ZNF804A: variants seen among roughly 807,000 people sequenced by gnomAD.
ZNF804A encodes the protein zinc finger protein 804A.
Under a neutral mutation model 16.5 loss-of-function variants are expected in ZNF804A, and 2 were observed. The observed-to-expected ratio is 0.12, with a 90% CI of 0.05 to 0.38. The LOEUF is 0.38. Among genes scored for constraint, ZNF804A ranks in the 10% least tolerant of loss-of-function variants. The pLI, the probability that ZNF804A is intolerant of heterozygous loss-of-function variation, is 0.99. For synonymous variants in ZNF804A, 534 were observed against 489.6 expected (o/e 1.09, Z -1.20); for missense variants, 1,473 against 1,390.7 (o/e 1.06, Z -0.94).
At position 184,633,497 on chromosome 2, in the gene ZNF804A, C is replaced by T. The variant is rs181869013; in HGVS notation, c.111+34427C>T. ...CTGGACAAAGGAAACCAGTAGATGT[C>T]AGTCTGGGTAATAAAAGTAGTTAAT... is the stretch of plus-strand genomic sequence containing the variant. On this transcript the variant is annotated intron_variant, in intron 1 of 3. Transcript: ENST00000302277. Among the ~76,000 whole-genome samples the T allele has an allele frequency of 1.9e-3, 285 of 152,272 alleles. 1 individual carries two copies. The highest frequency in any genetic ancestry group is 6.5e-3 in the African/African-American group (272 of 41,544).
intron 2 of ZNF804A, among the ~76,000 whole-genome samples, chr2:184,919,931 C>T (rs1187647181): frequency 6.6e-6 from 1 of 152,040 alleles, no homozygotes; most frequent in Admixed American, 6.6e-5. Context: ...GCCTGGCTAA[C>T]ATGGTGAAAT....
At chr2:184,888,802 G>T (rs533108136) in intron 2 of ZNF804A, among the ~76,000 whole-genome samples, 105 of 152,226 alleles carry the variant, frequency 6.9e-4, no homozygotes, top group African/African-American at 2.3e-3. Flanking sequence ...GAGGGGAAGA[G>T]AATACCTATC....
In ZNF804A at chr2:184,937,299, T is replaced by C. The variant is rs1282235984; in HGVS notation, c.1903T>C (p.Leu635=). 6.2e-6 allele frequency: 10 copies of C among 1,613,976 alleles called. No individual in the cohort carries two copies. Among genetic ancestry groups the C allele is most frequent in the Non-Finnish European group, 8.5e-6 (10 of 1,179,940 alleles). ...SYTENAGKYL[L]EPISEKQYLA... is the part of the protein sequence containing the mutation. Reference sequence around the variant, plus strand: ...CACTGAAAATGCTGGGAAATATCTATTGGAACCAATTTCAGAAAAGCAGTA... The same window carrying C: ...CACTGAAAATGCTGGGAAATATCTACTGGAACCAATTTCAGAAAAGCAGTA... The change falls in exon 4 of 4, where the codon TTG becomes CTG. Residue 635 remains leucine (L), a synonymous_variant. Transcript: ENST00000302277.
chr2:184,890,254 T>C (rs186542289), intron 2 of ZNF804A, among the ~76,000 whole-genome samples: 1 of 152,308 alleles, frequency 6.6e-6, no homozygotes, highest in East Asian at 1.9e-4. Context: ...AAATATTTGC[T>C]AAAAGCTTAT....
chr2:184,655,354 G>A (rs1692059466), intron 1 of ZNF804A, among the ~76,000 whole-genome samples: 1 of 152,156 alleles, frequency 6.6e-6, no homozygotes, highest in Admixed American at 6.5e-5. Flanking sequence ...GCAAAGGATG[G>A]AGGATAGAGT....
Position 184,695,693 on chromosome 2 carries a change from C to A in ZNF804A, c.111+96623C>A, listed in dbSNP as rs964460947. Among the ~76,000 whole-genome samples, 3 of 152,058 alleles carry A rather than the reference C, an allele frequency of 2.0e-5. No individual in the cohort carries two copies. In the South Asian group the frequency reaches 6.2e-4, roughly 32 times the overall value. ...TTGGCCTTCCAAAGTGTTGGGATAT[C>A]AAGCATGAGCTACTGTGCCAGGTCT... On this transcript the variant is annotated intron_variant, in intron 1 of 3. Transcript: ENST00000302277.
chr2:184,917,438 T>A lies in ZNF804A; in HGVS notation c.256-16165T>A, dbSNP rs190994539. On this transcript the variant is annotated intron_variant, in intron 2 of 3. Coordinates refer to ENST00000302277, the MANE Select transcript of ZNF804A (RefSeq NM_194250.2). ...ATTCAATACATATTATGTCATATCA[T>A]AAAAGGATAAAAAGAAAAACAAATA... is the stretch of plus-strand genomic sequence containing the variant. Among the ~76,000 whole-genome samples the A allele has an allele frequency of 3.1e-4, 47 of 151,716 alleles. No individual in the cohort carries two copies. The East Asian group carries it at 7.9e-3, about 26-fold the overall frequency.
intron 1 of ZNF804A, among the ~76,000 whole-genome samples, chr2:184,700,852 A>G (rs1692908199): frequency 1.3e-5 from 2 of 152,020 alleles, no homozygotes; most frequent in Admixed American, 6.5e-5. Context: ...CATTGTTAAG[A>G]TGAAAGGGTG....
Position 184,936,439 on chromosome 2 carries a change from T to A in ZNF804A, c.1043T>A (p.Val348Asp). 6.2e-7 allele frequency: 1 copy of A among 1,613,984 alleles called. No homozygotes were observed. The highest frequency in any genetic ancestry group is 8.5e-7 in the Non-Finnish European group (1 of 1,179,930). The stretch of plus-strand genomic sequence containing the variant: ...GTTGTTATTAATGAAGACATACCTG[T>A]TAGTGGTAACAGTTTTGAGTTGTTA... Reference protein sequence around the residue: ...ESVVINEDIPVSGNSFELLGN... With the variant: ...ESVVINEDIPDSGNSFELLGN... Residue 348 changes from valine (V) to aspartate (D), a missense_variant, in exon 4 of 4, where the codon GTT (valine) becomes GAT (aspartate). By Grantham distance (152) the Val-to-Asp change is radical. Transcript: ENST00000302277.
rs932783844 is a variant in ZNF804A, at chr2:184,704,876, C to A, written c.111+105806C>A. Among the ~76,000 whole-genome samples the A allele has an allele frequency of 1.8e-4, 27 of 152,156 alleles. 1 individual carries two copies. The highest frequency in any genetic ancestry group is 6.5e-4 in the African/African-American group (27 of 41,442). ...AACCTTGAGGGGATGCCCTGAGAAT[C>A]CTTGTAGACTCTGCTTGGACTGTTT... On this transcript the variant is annotated intron_variant, in intron 1 of 3. Transcript: ENST00000302277.
chr2:184,776,141 A>G (rs1202615524), intron 1 of ZNF804A, among the ~76,000 whole-genome samples: 1 of 151,676 alleles, frequency 6.6e-6, no homozygotes, highest in African/African-American at 2.4e-5. Flanking sequence ...AGAAAAAAGA[A>G]CAGTTAAATC....
At chr2:184,741,652 G>C (rs1693710567) in intron 1 of ZNF804A, among the ~76,000 whole-genome samples, 1 of 152,080 alleles carries the variant, frequency 6.6e-6, no homozygotes. Context: ...CTTTGGGCAG[G>C]AATAATTACT....
intron 2 of ZNF804A, among the ~76,000 whole-genome samples, chr2:184,924,331 G>T (rs1011734128): frequency 1.2e-4 from 18 of 151,416 alleles, no homozygotes; most frequent in Non-Finnish European, 2.4e-4. Flanking sequence ...ATTTCTTCTG[G>T]ATTTTTCAAT....
chr2:184,901,623 C>A (rs1226704535), intron 2 of ZNF804A, among the ~76,000 whole-genome samples: 1 of 152,080 alleles, frequency 6.6e-6, no homozygotes, highest in Non-Finnish European at 1.5e-5. Flanking sequence ...TCCCTAAGTG[C>A]ATCAATAGTT....
At position 184,598,894 on chromosome 2, in the gene ZNF804A, C is replaced by A; in HGVS notation, c.-66C>A. ...CAGCCCACCGTCGCCGGCCCCGGCG[C>A]GCTGCGGCTGTGGGCGCGGGGTGCG... On this transcript the variant is annotated 5_prime_UTR_variant, in exon 1 of 4. Transcript: ENST00000302277. 3.6e-6 allele frequency: 4 copies of A among 1,106,078 alleles called. No homozygotes were observed. The highest frequency in any genetic ancestry group is 3.6e-5 in the South Asian group (2 of 56,302). 68.5% of individuals were successfully genotyped at this position (1,106,078 alleles called of 1,614,324 possible).
intron 2 of ZNF804A, among the ~76,000 whole-genome samples, chr2:184,922,971 A>T (rs1685553646): frequency 6.6e-6 from 1 of 152,020 alleles, no homozygotes; most frequent in East Asian, 1.9e-4. Context: ...TCTGTATTAT[A>T]ATTTAAGCCA....
intron 1 of ZNF804A, among the ~76,000 whole-genome samples, chr2:184,860,859 G>A (rs1695789186): frequency 6.6e-6 from 1 of 152,238 alleles, no homozygotes; most frequent in African/African-American, 2.4e-5. Context: ...CAATGGCCAA[G>A]CTCAGTGCTG....
intron 2 of ZNF804A, among the ~76,000 whole-genome samples, chr2:184,913,689 G>A (rs1309570311): frequency 1.3e-5 from 2 of 152,146 alleles, no homozygotes; most frequent in African/African-American, 4.8e-5. Flanking sequence ...TATCCAAGAA[G>A]TTGATTCTGA....
chr2:184,810,655 T>A (rs1461026053), intron 1 of ZNF804A, among the ~76,000 whole-genome samples: 1 of 151,998 alleles, frequency 6.6e-6, no homozygotes, highest in Non-Finnish European at 1.5e-5. Context: ...CACGCCCGGC[T>A]AATTTTTTGT....
Sources: gnomAD v4.1 joint callset for allele counts (sites outside exome capture counted in the v4.1 genomes callset) on GRCh38, gnomAD v4.1.1 for gene constraint, MANE v1.5 for transcripts, NCBI Gene and HGNC (gene_info 2026-07-23, HGNC 2026-07-21) for gene names.